Variants in TMED8 observed in about 807,000 individuals in gnomAD.
TMED8 encodes protein TMED8.
A neutral mutation model predicts 32.7 loss-of-function variants in TMED8; 15 were observed. The ratio of observed to expected loss-of-function variants is 0.46; its 90% CI spans 0.31 to 0.71. The LOEUF (loss-of-function observed/expected upper bound fraction) is 0.71. Among genes scored for constraint, TMED8 ranks in the 30% least tolerant of loss-of-function variants. The pLI is 0.06. For missense variants in TMED8, 390 were observed against 423.9 expected (o/e 0.92, Z 0.70); for synonymous variants, 147 against 161.4 (o/e 0.91, Z 0.68).
intron 2 of TMED8, among the ~76,000 whole-genome samples, chr14:77,350,892 T>C (rs1274031243): frequency 6.6e-6 from 1 of 152,232 alleles, no homozygotes; most frequent in East Asian, 1.9e-4. Flanking sequence ...TAGCATTTTA[T>C]GCTCTGGAGA....
intron 1 of TMED8, among the ~76,000 whole-genome samples, chr14:77,353,957 A>C (rs1893236004): frequency 6.6e-6 from 1 of 152,116 alleles, no homozygotes; most frequent in African/African-American, 2.4e-5. Context: ...CTTTCTAATA[A>C]ATTCTACTCT....
chr14:77,354,669 G>T (rs1369608809), intron 1 of TMED8, among the ~76,000 whole-genome samples: 1 of 152,096 alleles, frequency 6.6e-6, no homozygotes, highest in African/African-American at 2.4e-5. Flanking sequence ...AAGACACAAG[G>T]TTGGCTGGGT....
Position 77,335,274 on chromosome 14 carries a change from A to G in TMED8, c.*6497T>C, listed in dbSNP as rs1050910850. On this transcript the variant is annotated 3_prime_UTR_variant, in exon 6 of 6. Coordinates refer to ENST00000216468, the MANE Select transcript of TMED8 (RefSeq NM_213601.3). ...AGAATTAAAGTAACAATTTGGTAAGACTCTTAGAAATCACAGATGTTGATA... is the reference window on the plus strand; with the variant it reads ...AGAATTAAAGTAACAATTTGGTAAGGCTCTTAGAAATCACAGATGTTGATA... The G allele has an allele frequency of 2.0e-5, 3 of 152,188 alleles. No individual in the cohort carries two copies. The highest frequency in any genetic ancestry group is 7.2e-5 in the African/African-American group (3 of 41,440). 9.4% of individuals were successfully genotyped at this position (152,188 alleles called of 1,614,324 possible).
At chr14:77,360,702 A>T (rs994816423) in intron 1 of TMED8, among the ~76,000 whole-genome samples, 3 of 152,186 alleles carry the variant, frequency 2.0e-5, no homozygotes, top group African/African-American at 7.2e-5. Context: ...TTGGGTATAT[A>T]TTCAGAATGG....
chr14:77,364,538 T>C (rs1893507917), intron 1 of TMED8, among the ~76,000 whole-genome samples: 1 of 151,826 alleles, frequency 6.6e-6, no homozygotes, highest in Admixed American at 6.6e-5. Context: ...AGCCATGATA[T>C]TTTTTTTAAG....
At position 77,343,333 on chromosome 14, in the gene TMED8, T is replaced by C; in HGVS notation, c.605A>G (p.Lys202Arg). 1 of 1,614,128 alleles carries C rather than the reference T, an allele frequency of 6.2e-7. No individual in the cohort carries two copies. Among genetic ancestry groups the C allele is most frequent in the African/African-American group, 1.3e-5 (1 of 75,036 alleles). ...GGTCGCAAACTCCCAGCAGACACGCTTCCCCTCTGGATGAGTAGGTACCCG... is the reference window on the plus strand; with the variant it reads ...GGTCGCAAACTCCCAGCAGACACGCCTCCCCTCTGGATGAGTAGGTACCCG... ...TIRVPTHPEG[K>R]RVCWEFATDD... is the part of the protein sequence containing the mutation. Residue 202 changes from lysine to arginine, a missense_variant, in exon 5 of 6, where the codon AAG becomes AGG. By Grantham distance (26) the Lys-to-Arg change is conservative. Transcript: ENST00000216468.
chr14:77,366,989 A>G (rs935010154), intron 1 of TMED8, among the ~76,000 whole-genome samples: 11 of 152,096 alleles, frequency 7.2e-5, no homozygotes, highest in African/African-American at 2.4e-4. Flanking sequence ...TTATACCTGT[A>G]ACTCCAGCAC....
At position 77,376,814 on chromosome 14, in the gene TMED8, G is replaced by A; in HGVS notation, c.118+122C>T. 2.0e-6 allele frequency: 1 copy of A among 503,750 alleles called. No individual in the cohort carries two copies. Among genetic ancestry groups the A allele is most frequent in the Non-Finnish European group, 3.1e-6 (1 of 327,128 alleles). 31.2% of individuals were successfully genotyped at this position (503,750 alleles called of 1,614,324 possible). A position where few individuals can be genotyped will look rare whatever the true frequency, so the allele number is the denominator to read the frequency against. On this transcript the variant is annotated intron_variant, in intron 1 of 5. Coordinates refer to ENST00000216468, the MANE Select transcript of TMED8 (RefSeq NM_213601.3). The surrounding 1 kb of genome is among the most constrained non-coding windows in gnomAD (Gnocchi z 4.0). ...GGGGAAGGGGCCCCGCGCGCGAAGGGGCTGCCGAGGTGGGTCCGCTCCGCG... is the reference window on the plus strand; with the variant it reads ...GGGGAAGGGGCCCCGCGCGCGAAGGAGCTGCCGAGGTGGGTCCGCTCCGCG...
At position 77,335,081 on chromosome 14, in the gene TMED8, CAAAG is replaced by C. The variant is rs1485880878; in HGVS notation, c.*6686_*6689del. On this transcript the variant is annotated 3_prime_UTR_variant, in exon 6 of 6. Transcript: ENST00000216468. ...AGATTCGAAAACTCAGAAGAGATGA[CAAAG>C]AATGCACAAAAGCATCACAAAACTG... 5 of 152,052 alleles carry C rather than the reference CAAAG, an allele frequency of 3.3e-5. No homozygotes were observed. Among genetic ancestry groups the C allele is most frequent in the African/African-American group, 9.7e-5 (4 of 41,386 alleles). 9.4% of individuals were successfully genotyped at this position (152,052 alleles called of 1,614,324 possible).
At chr14:77,348,655 T>A (rs540924613) in intron 2 of TMED8, among the ~76,000 whole-genome samples, 8 of 152,192 alleles carry the variant, frequency 5.3e-5, no homozygotes, top group Admixed American at 2.0e-4. Flanking sequence ...CTCAAAGAGG[T>A]TGAGTAAATG....
At chr14:77,372,936 ATATATATATATATATATTTTTTTTT>A (rs1893717275) in intron 1 of TMED8, among the ~76,000 whole-genome samples, 6 of 30,658 alleles carry the variant, frequency 2.0e-4, no homozygotes, top group African/African-American at 1.5e-3. Context: ...ATATATATAT[ATATATATATATATATATTTTTTTTT>A]TTTTTTTTTT....
intron 2 of TMED8, among the ~76,000 whole-genome samples, chr14:77,347,521 G>A (rs146006927): frequency 4.6e-5 from 7 of 152,318 alleles, no homozygotes; most frequent in African/African-American, 7.2e-5. Flanking sequence ...TCCTGCCTCA[G>A]CCTCCCGAGT....
At chr14:77,351,436 G>GTTTTTTTTTT (rs1566687602) in intron 2 of TMED8, among the ~76,000 whole-genome samples, 1 of 117,966 alleles carries the variant, frequency 8.5e-6, no homozygotes, top group Non-Finnish European at 1.7e-5. Context: ...TTTTTTTTTG[G>GTTTTTTTTTT]ATTTTTAGTA....
intron 1 of TMED8, among the ~76,000 whole-genome samples, chr14:77,361,682 T>C (rs75483433): frequency 0.028 from 3,878 of 138,254 alleles, 179 homozygotes; most frequent in African/African-American, 0.1. Context: ...AATATTAATT[T>C]TTCCAAATCA....
At position 77,377,061 on chromosome 14, in the gene TMED8, C is replaced by T; in HGVS notation, c.-8G>A. 7.4e-7 allele frequency: 1 copy of T among 1,354,048 alleles called. No homozygotes were observed. The highest frequency in any genetic ancestry group is 9.5e-7 in the Non-Finnish European group (1 of 1,056,614). 83.9% of individuals were successfully genotyped at this position (1,354,048 alleles called of 1,614,324 possible). A position where few individuals can be genotyped will look rare whatever the true frequency, so the allele number is the denominator to read the frequency against. ...CGCCTGCAGGTCAGACATCTGCAGC[C>T]CGCGCACGGAGCTCTCCGCTGCCAG... On this transcript the variant is annotated 5_prime_UTR_variant, in exon 1 of 6. Transcript: ENST00000216468.
At chr14:77,370,761 GTGTGTA>G (rs983059457) in intron 1 of TMED8, among the ~76,000 whole-genome samples, 4 of 151,828 alleles carry the variant, frequency 2.6e-5, no homozygotes, top group African/African-American at 9.7e-5. Flanking sequence ...GTGTGTGTGT[GTGTGTA>G]TACTTTTTCA....
chr14:77,351,381 G>A (rs1385157995), intron 2 of TMED8, among the ~76,000 whole-genome samples: 1 of 94,324 alleles, frequency 1.1e-5, no homozygotes, highest in Non-Finnish European at 2.2e-5. Flanking sequence ...AGCTACTACA[G>A]GCGTGTAGTC....
rs1892857714 is a variant in TMED8 at position 77,340,046 on chromosome 14, A to C, written c.*1725T>G. The C allele has an allele frequency of 6.6e-6, 1 of 152,238 alleles. No homozygotes were observed. The highest frequency in any genetic ancestry group is 6.5e-5 in the Admixed American group (1 of 15,278). The allele number at this position is 152,238 out of a possible 1,614,324, so 9.4% of individuals were successfully genotyped here. A position where few individuals can be genotyped will look rare whatever the true frequency, so the allele number is the denominator to read the frequency against. On this transcript the variant is annotated 3_prime_UTR_variant, in exon 6 of 6. Transcript: ENST00000216468. ...CTCAGAGGAGACAAAGGACTCTGAA[A>C]TCCTGGAATCACGGGATATCTCTGA...
At position 77,360,973 on chromosome 14, in the gene TMED8, C is replaced by CTTTTTT. The variant is rs71128616; in HGVS notation, c.119-9228_119-9223dup. On this transcript the variant is annotated intron_variant, in intron 1 of 5. Coordinates refer to ENST00000216468, the MANE Select transcript of TMED8 (RefSeq NM_213601.3). The stretch of plus-strand genomic sequence containing the variant: ...AAAAACACCCATTCAGATCCTTTGC[C>CTTTTTT]TTTTTTTTTTTTTTTTTTTTTCAGA... Among the ~76,000 whole-genome samples the CTTTTTT allele has an allele frequency of 4.7e-5, 4 of 85,492 alleles. 1 individual carries two copies. The highest frequency in any genetic ancestry group is 6.7e-5 in the Non-Finnish European group (3 of 44,964). 56.1% of individuals were successfully genotyped at this position (85,492 alleles called of 152,430 possible). A position where few individuals can be genotyped will look rare whatever the true frequency, so the allele number is the denominator to read the frequency against.
Sources: allele counts gnomAD v4.1 joint callset (sites outside exome capture counted in the v4.1 genomes callset), GRCh38; gene constraint gnomAD v4.1.1; non-coding constraint Gnocchi (gnomAD v3.1); transcripts MANE v1.5; gene names NCBI Gene and HGNC (gene_info 2026-07-23, HGNC 2026-07-21).